GATAD2A: variants seen among roughly 807,000 people sequenced by gnomAD.
GATAD2A encodes transcriptional repressor p66-alpha.
Under a neutral mutation model 68.5 loss-of-function variants are expected in GATAD2A, and 12 were observed. The observed-to-expected ratio is 0.18, with a 90% confidence interval of 0.11 to 0.28. The LOEUF (loss-of-function observed/expected upper bound fraction) is 0.28. Ranked by LOEUF, GATAD2A falls within the 10% of genes least tolerant of loss-of-function variation. GATAD2A has a pLI of 1.00. For synonymous variants in GATAD2A, 410 were observed against 375.3 expected (o/e 1.09, Z -1.07); for missense variants, 755 against 868.5 (o/e 0.87, Z 1.64).
chr19:19,430,422 A>T (rs138610585), intron 1 of GATAD2A, among the ~76,000 whole-genome samples: 2 of 152,160 alleles, frequency 1.3e-5, no homozygotes, highest in Admixed American at 1.3e-4. Context: ...GGGGGCATTC[A>T]GTTTGTGCAG....
At chr19:19,489,813 G>A (rs150080248) in intron 2 of GATAD2A, among the ~76,000 whole-genome samples, 1 of 152,366 alleles carries the variant, frequency 6.6e-6, no homozygotes, top group East Asian at 1.9e-4. Context: ...CTCTATACAA[G>A]ATGCTGCCTT....
intron 1 of GATAD2A, among the ~76,000 whole-genome samples, chr19:19,389,811 GGAGTGCAGTGGTGC>G (rs1486758736): frequency 2.0e-5 from 3 of 152,132 alleles, no homozygotes; most frequent in Admixed American, 2.0e-4. Context: ...CACTCAGGCG[GGAGTGCAGTGGTGC>G]GATCTCGGCT....
At chr19:19,417,547 G>A (rs1281838009) in intron 1 of GATAD2A, among the ~76,000 whole-genome samples, 1 of 152,062 alleles carries the variant, frequency 6.6e-6, no homozygotes, top group Non-Finnish European at 1.5e-5. Flanking sequence ...TCACCCTCCT[G>A]GACCTCAGGA....
At chr19:19,399,083 G>A (rs2049500170) in intron 1 of GATAD2A, among the ~76,000 whole-genome samples, 2 of 151,992 alleles carry the variant, frequency 1.3e-5, no homozygotes, top group South Asian at 4.2e-4. Context: ...AAATTGCCAG[G>A]CATGGTGGCC....
chr19:19,474,005 A>G, intron 2 of GATAD2A: 2 of 982,228 alleles, frequency 2.0e-6, no homozygotes, highest in Non-Finnish European at 2.4e-6. Flanking sequence ...AACAAATCAG[A>G]AAGTAATGTG....
upstream of GATAD2A, among the ~76,000 whole-genome samples, chr19:19,402,980 C>A (rs1287894899): frequency 6.6e-6 from 1 of 151,902 alleles, no homozygotes; most frequent in African/African-American, 2.4e-5. Context: ...ACTGTGTTGA[C>A]CACGATGGTC....
At chr19:19,502,660 G>A (rs538486791) in intron 11 of GATAD2A, 134 bp downstream of exon 11, 3 of 685,008 alleles carry the variant, frequency 4.4e-6, no homozygotes, top group Non-Finnish European at 7.3e-6. Context: ...CTCGGACTCT[G>A]GCTTTCCCTC....
intron 1 of GATAD2A, among the ~76,000 whole-genome samples, chr19:19,456,352 C>T (rs2056931424): frequency 1.3e-5 from 2 of 152,118 alleles, no homozygotes; most frequent in South Asian, 4.1e-4. Flanking sequence ...GTCAGACAGC[C>T]TCCCTCCAGC....
intron 1 of GATAD2A, among the ~76,000 whole-genome samples, chr19:19,417,276 A>G (rs2051765660): frequency 6.6e-6 from 1 of 152,130 alleles, no homozygotes; most frequent in Non-Finnish European, 1.5e-5. Context: ...CTTGTGGGTA[A>G]GTGGCCCCTG....
At chr19:19,415,528 T>C (rs1189597574) in intron 1 of GATAD2A, among the ~76,000 whole-genome samples, 2 of 151,318 alleles carry the variant, frequency 1.3e-5, no homozygotes, top group Non-Finnish European at 1.5e-5. Context: ...TGGCTCACTG[T>C]AACCTCCGCT....
chr19:19,492,405 G>C lies in GATAD2A; in HGVS notation c.369G>C (p.Val123=). 1.9e-6 allele frequency: 3 copies of C among 1,613,892 alleles called. No individual in the cohort carries two copies. The East Asian group carries it at 6.7e-5, about 36-fold the overall frequency. ...SSPRVNGLTT[V]ALKETSTEAL... ...CGAGAGTGAATGGGCTGACCACGGT[G>C]GCCTTGAAGGAGACTAGCACCGAGG... is the stretch of plus-strand genomic sequence containing the variant. The change falls in exon 3 of 12, where the codon GTG becomes GTC. Residue 123 remains valine, a synonymous_variant. Coordinates refer to ENST00000683918, the MANE Select transcript of GATAD2A (RefSeq NM_001384528.1).
At chr19:19,394,014 G>C (rs1426912213) in intron 1 of GATAD2A, among the ~76,000 whole-genome samples, 8 of 151,934 alleles carry the variant, frequency 5.3e-5, no homozygotes, top group Non-Finnish European at 1.0e-4. Flanking sequence ...AGCCTCCCGA[G>C]TAGCTGGGAT....
At chr19:19,444,790 G>A (rs1169547640) in intron 1 of GATAD2A, among the ~76,000 whole-genome samples, 1 of 150,352 alleles carries the variant, frequency 6.7e-6, no homozygotes, top group African/African-American at 2.5e-5. Context: ...AGGATTGCTT[G>A]AGCCCTGGAG....
rs1021442033 is a variant in GATAD2A, at chr19:19,508,228, C to T, written c.*2754C>T. The T allele has an allele frequency of 6.6e-6, 1 of 152,230 alleles. No individual in the cohort carries two copies. Among genetic ancestry groups the T allele is most frequent in the Non-Finnish European group, 1.5e-5 (1 of 68,052 alleles). The allele number at this position is 152,230 out of a possible 1,614,324, so 9.4% of individuals were successfully genotyped here. On this transcript the variant is annotated 3_prime_UTR_variant, in exon 12 of 12. Transcript: ENST00000683918. The stretch of plus-strand genomic sequence containing the variant: ...GCTGGGGAGATCTCAGAGTTCACAC[C>T]TCGCCTGTTGTAGGGGAGGTTGGGG...
intron 1 of GATAD2A, among the ~76,000 whole-genome samples, chr19:19,461,632 A>G (rs532462800): frequency 6.6e-6 from 1 of 152,192 alleles, no homozygotes; most frequent in African/African-American, 2.4e-5. Context: ...TGTGGCTGGA[A>G]CCTGTCCTTT....
chr19:19,426,733 C>T (rs1034352134), intron 1 of GATAD2A, among the ~76,000 whole-genome samples: 40 of 152,246 alleles, frequency 2.6e-4, no homozygotes, highest in African/African-American at 8.2e-4. Flanking sequence ...AGGCAGGTCT[C>T]GAACTTCTGG....
At chr19:19,444,735 G>A (rs1367860324) in intron 1 of GATAD2A, among the ~76,000 whole-genome samples, 1 of 152,092 alleles carries the variant, frequency 6.6e-6, no homozygotes, top group Admixed American at 6.6e-5. Context: ...GCCAGGTGTG[G>A]TGGTGCGTGC....
upstream of GATAD2A, among the ~76,000 whole-genome samples, chr19:19,405,257 C>T (rs1258133389): frequency 6.6e-6 from 1 of 152,184 alleles, no homozygotes; most frequent in Admixed American, 6.5e-5. Context: ...ACACCGGGGC[C>T]GAAGTTCCCA....
In GATAD2A at chr19:19,506,109, C is replaced by T. The variant is rs868225763; in HGVS notation, c.*635C>T. ...TGGGCGGCTCATGGTGCCACAGCCCCTGGCAGGGACGGCCGGCCCGCCCCC... is the reference window on the plus strand; with the variant it reads ...TGGGCGGCTCATGGTGCCACAGCCCTTGGCAGGGACGGCCGGCCCGCCCCC... On this transcript the variant is annotated 3_prime_UTR_variant, in exon 12 of 12. Transcript: ENST00000683918. The T allele has an allele frequency of 9.0e-5, 36 of 399,096 alleles. 2 individuals are homozygous for T. Among genetic ancestry groups the T allele is most frequent in the African/African-American group, 4.1e-4 (20 of 48,762 alleles). 24.7% of individuals were successfully genotyped at this position (399,096 alleles called of 1,614,324 possible). A position where few individuals can be genotyped will look rare whatever the true frequency, so the allele number is the denominator to read the frequency against.
Sources: allele counts gnomAD v4.1 joint callset (sites outside exome capture counted in the v4.1 genomes callset), GRCh38; gene constraint gnomAD v4.1.1; transcripts MANE v1.5; gene names NCBI Gene and HGNC (gene_info 2026-07-23, HGNC 2026-07-21).